Variants in GUCA1C observed in about 807,000 individuals in gnomAD.
The protein encoded by GUCA1C is guanylate cyclase activator 1C, also known as guanylyl cyclase-activating protein 3.
In GUCA1C, 15 loss-of-function variants were observed where a neutral mutation model predicts 16.2. The ratio of observed to expected loss-of-function variants is 0.93; its 90% CI spans 0.62 to 1.43. The LOEUF (loss-of-function observed/expected upper bound fraction) is 1.43, where lower values mean the gene tolerates loss of function less well. Ranked by LOEUF, GUCA1C falls within the 40% of genes most tolerant of loss-of-function variation. GUCA1C has a pLI of 0.00. For synonymous variants in GUCA1C, 78 were observed against 85.4 expected (o/e 0.91, Z 0.48); for missense variants, 275 against 244.8 (o/e 1.12, Z -0.82).
At chr3:108,932,330 A>AC (rs1946676934) in intron 1 of GUCA1C, among the ~76,000 whole-genome samples, 1 of 118,572 alleles carries the variant, frequency 8.4e-6, no homozygotes, top group Non-Finnish European at 1.7e-5. Context: ...CACCAAAAAA[A>AC]AAAAAAAAAC....
intron 2 of GUCA1C, among the ~76,000 whole-genome samples, chr3:108,918,978 A>G (rs1214362720): frequency 1.3e-5 from 2 of 152,154 alleles, no homozygotes; most frequent in East Asian, 3.9e-4. Context: ...TCCTGACTCA[A>G]AATAAGTAAT....
rs115668657 is a variant in GUCA1C, at chr3:108,947,682, A to C, written c.204+5877T>G. ...GTTGGAGTATTTTTTCTTTTAAAAA[A>C]TCCAGAAAACATGTAGGAGGACAGA... is the stretch of plus-strand genomic sequence containing the variant. On this transcript the variant is annotated intron_variant, in intron 1 of 3. Coordinates refer to ENST00000261047, the MANE Select transcript of GUCA1C (RefSeq NM_005459.4). Among the ~76,000 whole-genome samples, 796 of 152,320 alleles carry C rather than the reference A, an allele frequency of 5.2e-3. 19 individuals carry two copies. The highest frequency in any genetic ancestry group is 0.018 in the African/African-American group (767 of 41,576).
chr3:108,930,942 AT>A (rs149745540), intron 1 of GUCA1C, among the ~76,000 whole-genome samples: 1 of 152,160 alleles, frequency 6.6e-6, no homozygotes, highest in South Asian at 2.1e-4. Context: ...CATGACCATT[AT>A]TTTTCAGAAA....
intron 1 of GUCA1C, among the ~76,000 whole-genome samples, chr3:108,937,842 G>A (rs1200542524): frequency 2.6e-5 from 4 of 152,206 alleles, no homozygotes; most frequent in African/African-American, 9.6e-5. Flanking sequence ...GGAGGCCGAG[G>A]AGGGTGGATC....
chr3:108,919,361 G>A (rs1445602458), intron 2 of GUCA1C, among the ~76,000 whole-genome samples: 2 of 151,898 alleles, frequency 1.3e-5, no homozygotes, highest in Non-Finnish European at 2.9e-5. Flanking sequence ...GTATTTAAGA[G>A]AATATTTTAA....
chr3:108,946,018 G>A (rs916820602), intron 1 of GUCA1C, among the ~76,000 whole-genome samples: 2 of 152,198 alleles, frequency 1.3e-5, no homozygotes, highest in African/African-American at 2.4e-5. Flanking sequence ...AATGTCACCA[G>A]AGTTACCTGC....
chr3:108,939,777 G>A (rs1416391664), intron 1 of GUCA1C, among the ~76,000 whole-genome samples: 2 of 152,094 alleles, frequency 1.3e-5, no homozygotes, highest in South Asian at 2.1e-4. Flanking sequence ...CTTAGACTGC[G>A]GTCTCTCTTG....
At chr3:108,934,614 C>T (rs536109919) in intron 1 of GUCA1C, among the ~76,000 whole-genome samples, 1 of 152,228 alleles carries the variant, frequency 6.6e-6, no homozygotes, top group African/African-American at 2.4e-5. Flanking sequence ...AAGGAATCAA[C>T]CTAGGTGCCC....
chr3:108,946,665 T>G (rs1054764035), intron 1 of GUCA1C, among the ~76,000 whole-genome samples: 1 of 152,118 alleles, frequency 6.6e-6, no homozygotes, highest in East Asian at 1.9e-4. Context: ...ATAGGTAATA[T>G]GAAGAATCAA....
Position 108,953,782 on chromosome 3 carries a change from C to T in GUCA1C, c.-20G>A. The stretch of plus-strand genomic sequence containing the variant: ...CCCCATCTTGACTCACAGTCTACAG[C>T]TTTTCCTCAGGTTGTTTTCACTTAA... On this transcript the variant is annotated 5_prime_UTR_variant, in exon 1 of 4. Transcript: ENST00000261047. 4.4e-6 allele frequency: 7 copies of T among 1,581,516 alleles called. No individual in the cohort carries two copies. The highest frequency in any genetic ancestry group is 6.1e-6 in the Non-Finnish European group (7 of 1,150,422).
intron 1 of GUCA1C, among the ~76,000 whole-genome samples, chr3:108,939,540 T>C (rs1946764134): frequency 6.6e-6 from 1 of 151,680 alleles, no homozygotes; most frequent in South Asian, 2.1e-4. Context: ...TTGGCCAGGT[T>C]GATCTCAAAC....
chr3:108,943,849 C>T (rs1946816018), intron 1 of GUCA1C, among the ~76,000 whole-genome samples: 1 of 152,136 alleles, frequency 6.6e-6, no homozygotes, highest in Admixed American at 6.5e-5. Flanking sequence ...TAGCTTAGCT[C>T]CCACATATTA....
At position 108,915,931 on chromosome 3, in the gene GUCA1C, C is replaced by T. The variant is rs1946505390; in HGVS notation, c.442+196G>A. 3 of 602,386 alleles carry T rather than the reference C, an allele frequency of 5.0e-6. No individual in the cohort carries two copies. In the Admixed American group the frequency reaches 1.0e-4, roughly 21 times the overall value. 37.3% of individuals were successfully genotyped at this position (602,386 alleles called of 1,614,324 possible). A position where few individuals can be genotyped will look rare whatever the true frequency, so the allele number is the denominator to read the frequency against. On this transcript the variant is annotated intron_variant, in intron 3 of 3. Transcript: ENST00000261047. Reference sequence around the variant, plus strand: ...ATATCCCAACATGTCAAGCACCACACATTGGAAATGAATATGATCAATAAA... The same window carrying T: ...ATATCCCAACATGTCAAGCACCACATATTGGAAATGAATATGATCAATAAA...
intron 3 of GUCA1C, among the ~76,000 whole-genome samples, chr3:108,911,882 G>C (rs1559838942): frequency 6.6e-6 from 1 of 152,008 alleles, no homozygotes; most frequent in Non-Finnish European, 1.5e-5. Context: ...GAGGCGGGCG[G>C]ATCGCCTGAG....
intron 1 of GUCA1C, among the ~76,000 whole-genome samples, chr3:108,931,381 G>A (rs958897935): frequency 1.3e-5 from 2 of 152,222 alleles, no homozygotes; most frequent in African/African-American, 4.8e-5. Context: ...ACCATGAGAT[G>A]CACATAAATA....
intron 1 of GUCA1C, among the ~76,000 whole-genome samples, chr3:108,940,954 G>A (rs1164724994): frequency 2.6e-5 from 4 of 152,202 alleles, no homozygotes; most frequent in African/African-American, 9.6e-5. Flanking sequence ...GTAAGGGTCA[G>A]AGTGGGGACA....
chr3:108,928,313 T>G (rs886756747), intron 1 of GUCA1C, among the ~76,000 whole-genome samples: 8 of 152,184 alleles, frequency 5.3e-5, no homozygotes, highest in African/African-American at 1.9e-4. Context: ...TATTGTTGAG[T>G]TTTAGGAGTT....
chr3:108,936,400 T>G (rs953368271), intron 1 of GUCA1C, among the ~76,000 whole-genome samples: 18 of 152,228 alleles, frequency 1.2e-4, no homozygotes, highest in Non-Finnish European at 2.2e-4. Context: ...TTCAATGCAT[T>G]ATTTCTAATT....
intron 1 of GUCA1C, among the ~76,000 whole-genome samples, chr3:108,924,768 T>A (rs553234872): frequency 6.6e-6 from 1 of 152,046 alleles, no homozygotes; most frequent in Non-Finnish European, 1.5e-5. Context: ...TCCTGGACTT[T>A]TTTGTTGGCA....
Sources: allele counts gnomAD v4.1 joint callset (sites outside exome capture counted in the v4.1 genomes callset), GRCh38; gene constraint gnomAD v4.1.1; transcripts MANE v1.5; gene names NCBI Gene and HGNC (gene_info 2026-07-23, HGNC 2026-07-21).